The following NAPB variants were observed in gnomAD, a reference collection of about 807,000 sequenced individuals.
NAPB encodes NSF attachment protein beta, also known as beta-soluble NSF attachment protein.
NAPB carries 26 observed loss-of-function variants against 44.7 expected under a neutral mutation model. The ratio of observed to expected loss-of-function variants is 0.58; its 90% CI spans 0.43 to 0.81. NAPB has a LOEUF of 0.81. Ranked by LOEUF, NAPB falls within the 30% of genes least tolerant of loss-of-function variation. The pLI is 0.00. For synonymous variants in NAPB, 120 were observed against 116.8 expected (o/e 1.03, Z -0.18); for missense variants, 315 against 356.4 (o/e 0.88, Z 0.94).
At chr20:23,392,437 G>A (rs748563884) in intron 5 of NAPB, among the ~76,000 whole-genome samples, 1 of 152,104 alleles carries the variant, frequency 6.6e-6, no homozygotes, top group Non-Finnish European at 1.5e-5. Context: ...AGGCCAAGAT[G>A]GGAGGACTGC....
chr20:23,382,503 C>T (rs184213994), intron 7 of NAPB, among the ~76,000 whole-genome samples: 12 of 151,894 alleles, frequency 7.9e-5, no homozygotes, highest in Non-Finnish European at 1.8e-4. Flanking sequence ...AAATATCCCA[C>T]GAAGATTTTA....
chr20:23,404,094 T>C (rs1985062111), intron 1 of NAPB, among the ~76,000 whole-genome samples: 2 of 152,228 alleles, frequency 1.3e-5, no homozygotes, highest in South Asian at 2.1e-4. Flanking sequence ...TTAAGCTACT[T>C]GGAAATTTCT....
intron 3 of NAPB, 82 bp downstream of exon 3, chr20:23,396,990 C>A: frequency 7.1e-7 from 1 of 1,404,984 alleles, no homozygotes; most frequent in Non-Finnish European, 9.6e-7. Flanking sequence ...GAAAGCACAC[C>A]AACACTGACC....
intron 1 of NAPB, among the ~76,000 whole-genome samples, chr20:23,412,590 G>A (rs1985729203): frequency 6.6e-6 from 1 of 152,116 alleles, no homozygotes; most frequent in Non-Finnish European, 1.5e-5. Context: ...TAAGAAAGCA[G>A]ATATTAATAT....
chr20:23,377,246 A>C lies in NAPB; in HGVS notation c.*130T>G. On this transcript the variant is annotated 3_prime_UTR_variant, in exon 11 of 11. Coordinates refer to ENST00000377026, the MANE Select transcript of NAPB (RefSeq NM_022080.3). The stretch of plus-strand genomic sequence containing the variant: ...ACAGCAACACAGACTTGGCGAGCTT[A>C]AACAATACACAGGCCGTCTGGCTCA... 2.1e-6 allele frequency: 1 copy of C among 468,274 alleles called. No homozygotes were observed. The highest frequency in any genetic ancestry group is 3.8e-6 in the Non-Finnish European group (1 of 262,820). The allele number at this position is 468,274 out of a possible 1,614,324, so 29.0% of individuals were successfully genotyped here.
chr20:23,390,488 G>T (rs1983864330), intron 5 of NAPB, among the ~76,000 whole-genome samples: 1 of 152,194 alleles, frequency 6.6e-6, no homozygotes, highest in South Asian at 2.1e-4. Context: ...CATATGCCCA[G>T]CTACACCACT....
chr20:23,381,042 C>T, intron 8 of NAPB, 171 bp downstream of exon 8: 1 of 566,932 alleles, frequency 1.8e-6, no homozygotes, highest in Non-Finnish European at 3.2e-6. Context: ...ACAGCTTTGA[C>T]AGCTGTTAAA....
chr20:23,379,615 T>A, intron 9 of NAPB, 120 bp from the exon 10 acceptor site: 1 of 797,102 alleles, frequency 1.3e-6, no homozygotes, highest in Non-Finnish European at 2.0e-6. Flanking sequence ...GAAATACTCA[T>A]ATACAAGTCA....
chr20:23,411,774 A>T (rs1985673184), intron 1 of NAPB, among the ~76,000 whole-genome samples: 1 of 152,244 alleles, frequency 6.6e-6, no homozygotes, highest in African/African-American at 2.4e-5. Context: ...ATTTAAAAAC[A>T]TTTATAGCAT....
chr20:23,389,212 C>G lies in NAPB; in HGVS notation c.561+734G>C, dbSNP rs961937620. On this transcript the variant is annotated intron_variant, in intron 7 of 10. Coordinates refer to ENST00000377026, the MANE Select transcript of NAPB (RefSeq NM_022080.3). ...ACAGAATGAGACAACATTTCACACT[C>G]ATTAGGGTGACTATTATTTAAAAAA... 3.7e-5 allele frequency among the ~76,000 whole-genome samples: 5 copies of G among 135,902 alleles called. No individual in the cohort carries two copies. In the Admixed American group the frequency reaches 3.9e-4, roughly 11 times the overall value. 89.2% of individuals were successfully genotyped at this position (135,902 alleles called of 152,430 possible). A position where few individuals can be genotyped will look rare whatever the true frequency, so the allele number is the denominator to read the frequency against.
At position 23,378,842 on chromosome 20, in the gene NAPB, CAG is replaced by C. The variant is rs1274683681; in HGVS notation, c.786+601_786+602del. 4.6e-5 allele frequency: 4 copies of C among 86,206 alleles called. No individual in the cohort carries two copies. The East Asian group carries it at 1.1e-3, about 24-fold the overall frequency. 5.3% of individuals were successfully genotyped at this position (86,206 alleles called of 1,614,324 possible). A position where few individuals can be genotyped will look rare whatever the true frequency, so the allele number is the denominator to read the frequency against. Reference sequence around the variant, plus strand: ...TTTTTTTTTCTTTTTTTTTTTGAGACAGAGTCTCGCTCTGTCACCAGGCTGGA... The same window carrying C: ...TTTTTTTTTCTTTTTTTTTTTGAGACAGTCTCGCTCTGTCACCAGGCTGGA... On this transcript the variant is annotated intron_variant, in intron 10 of 10. Coordinates refer to ENST00000377026, the MANE Select transcript of NAPB (RefSeq NM_022080.3).
chr20:23,401,235 A>G (rs1164060526), intron 2 of NAPB, among the ~76,000 whole-genome samples: 1 of 152,172 alleles, frequency 6.6e-6, no homozygotes, highest in Non-Finnish European at 1.5e-5. Context: ...CTTATTTGGA[A>G]TGATATGACC....
chr20:23,379,859 T>G lies in NAPB; in HGVS notation c.735+8A>C. On this transcript the variant is annotated splice_region_variant and intron_variant, in intron 9 of 10. Coordinates refer to ENST00000377026, the MANE Select transcript of NAPB (RefSeq NM_022080.3). ...AGCATTTTTCTTCAAAGTTCTAATATTACTTACTTTCAATAATTTACATTC... is the reference window on the plus strand; with the variant it reads ...AGCATTTTTCTTCAAAGTTCTAATAGTACTTACTTTCAATAATTTACATTC... The G allele has an allele frequency of 6.3e-7, 1 of 1,598,456 alleles. No homozygotes were observed. The highest frequency in any genetic ancestry group is 8.6e-7 in the Non-Finnish European group (1 of 1,166,524).
intron 7 of NAPB, among the ~76,000 whole-genome samples, chr20:23,382,824 C>T (rs1329719705): frequency 1.3e-5 from 2 of 152,084 alleles, no homozygotes; most frequent in African/African-American, 4.8e-5. Flanking sequence ...AACAGTCTCA[C>T]TTTTGTGGCA....
intron 5 of NAPB, among the ~76,000 whole-genome samples, chr20:23,391,646 T>C (rs765605828): frequency 6.6e-6 from 1 of 152,226 alleles, no homozygotes; most frequent in Non-Finnish European, 1.5e-5. Flanking sequence ...AGCTCTCTTG[T>C]GGTAGCATAA....
At chr20:23,381,001 A>G in intron 8 of NAPB, 1 of 504,838 alleles carries the variant, frequency 2.0e-6, no homozygotes. Flanking sequence ...TCAGGGTGGT[A>G]TGGCTATAAA....
chr20:23,421,002 T>C (rs1195218378), intron 1 of NAPB, among the ~76,000 whole-genome samples: 3 of 144,942 alleles, frequency 2.1e-5, no homozygotes, highest in Non-Finnish European at 4.5e-5. Context: ...CCCTAGGGGG[T>C]CTCTAAAGTG....
intron 1 of NAPB, among the ~76,000 whole-genome samples, chr20:23,408,273 T>C (rs888806164): frequency 1.3e-5 from 2 of 152,146 alleles, no homozygotes; most frequent in Non-Finnish European, 2.9e-5. Context: ...TTCTCATTAT[T>C]TACCAGCAGT....
chr20:23,379,582 G>T, intron 9 of NAPB, 87 bp from the exon 10 acceptor site: 1 of 1,007,370 alleles, frequency 9.9e-7, no homozygotes, highest in Non-Finnish European at 1.5e-6. Context: ...TACCAATGTT[G>T]CCAAATATTG....
Sources: allele counts gnomAD v4.1 joint callset (sites outside exome capture counted in the v4.1 genomes callset), GRCh38; gene constraint gnomAD v4.1.1; transcripts MANE v1.5; gene names NCBI Gene and HGNC (gene_info 2026-07-23, HGNC 2026-07-21).